The following GABRA2 variants were observed in gnomAD, a reference collection of about 807,000 sequenced individuals.
GABRA2 encodes the protein gamma-aminobutyric acid receptor subunit alpha-2.
Under a neutral mutation model 48.7 loss-of-function variants are expected in GABRA2, and 16 were observed. The ratio of observed to expected loss-of-function variants is 0.33; its 90% confidence interval spans 0.22 to 0.50. The LOEUF is 0.50. GABRA2 is among the 20% of genes least tolerant of loss of function. The probability of loss-of-function intolerance (pLI) is 0.98; values close to 1 mark genes in which losing one functional copy is unlikely to be tolerated. For synonymous variants in GABRA2, 185 were observed against 184.5 expected, an observed-to-expected ratio of 1.00 and a Z score of -0.02; for missense variants, 275 against 535.6, an observed-to-expected ratio of 0.51 and a Z score of 4.80.
At chr4:46,297,464 T>C (rs575253340) in intron 8 of GABRA2, among the ~76,000 whole-genome samples, 21 of 125,644 alleles carry the variant, frequency 1.7e-4, no homozygotes, top group Non-Finnish European at 3.5e-4. Flanking sequence ...TTAATACTAC[T>C]TAATAAAATC....
At chr4:46,336,612 T>C in intron 3 of GABRA2, among the ~76,000 whole-genome samples, 1 of 152,190 alleles carries the variant, frequency 6.6e-6, no homozygotes, top group East Asian at 1.9e-4. Flanking sequence ...ACAAGGTTGA[T>C]AACAGGTACT....
chr4:46,271,770 T>A (rs1719382966), intron 8 of GABRA2, among the ~76,000 whole-genome samples: 1 of 151,920 alleles, frequency 6.6e-6, no homozygotes, highest in Non-Finnish European at 1.5e-5. Flanking sequence ...ATTTAATTTA[T>A]CCAAAACTCG....
At chr4:46,378,691 G>A (rs1716329124) in intron 3 of GABRA2, among the ~76,000 whole-genome samples, 2 of 151,972 alleles carry the variant, frequency 1.3e-5, no homozygotes, top group South Asian at 2.1e-4. Flanking sequence ...GCTGGGTGTG[G>A]TGGCACACAC....
intron 8 of GABRA2, among the ~76,000 whole-genome samples, chr4:46,269,474 T>C (rs569089829): frequency 2.6e-5 from 4 of 151,942 alleles, no homozygotes; most frequent in Admixed American, 2.0e-4. Flanking sequence ...ATAAATACCA[T>C]GACAATATCA....
chr4:46,252,740 C>T (rs1187682657), intron 9 of GABRA2, among the ~76,000 whole-genome samples: 7 of 151,298 alleles, frequency 4.6e-5, no homozygotes, highest in Non-Finnish European at 7.4e-5. Flanking sequence ...TAACATATAG[C>T]GTTTATATTA....
intron 8 of GABRA2, among the ~76,000 whole-genome samples, chr4:46,298,112 A>G (rs1358945717): frequency 6.6e-6 from 1 of 152,108 alleles, no homozygotes; most frequent in African/African-American, 2.4e-5. Context: ...GTATTATTTC[A>G]ACCTTCTAAA....
At chr4:46,378,171 A>G (rs1034514012) in intron 3 of GABRA2, among the ~76,000 whole-genome samples, 1 of 152,068 alleles carries the variant, frequency 6.6e-6, no homozygotes, top group Non-Finnish European at 1.5e-5. Context: ...CCAACAGCTC[A>G]TTGAGAACGG....
chr4:46,305,849 T>C (rs559514958), intron 6 of GABRA2, 138 bp from the exon 7 acceptor site: 2 of 607,942 alleles, frequency 3.3e-6, no homozygotes, highest in African/African-American at 1.9e-5. Flanking sequence ...AGGGCAAAAA[T>C]GTCTCATTTG....
intron 3 of GABRA2, among the ~76,000 whole-genome samples, chr4:46,377,666 G>A (rs1716023000): frequency 6.8e-6 from 1 of 146,958 alleles, no homozygotes; most frequent in Admixed American, 6.7e-5. Context: ...CCTCTGCCCG[G>A]CCGCCCCTAC....
intron 3 of GABRA2, among the ~76,000 whole-genome samples, chr4:46,375,319 A>T (rs1445201544): frequency 6.6e-6 from 1 of 152,208 alleles, no homozygotes; most frequent in East Asian, 1.9e-4. Flanking sequence ...TTAAGTTAAA[A>T]ACAAAAATTT....
intron 8 of GABRA2, among the ~76,000 whole-genome samples, chr4:46,296,639 G>T (rs1424221191): frequency 7.5e-6 from 1 of 132,824 alleles, no homozygotes; most frequent in Non-Finnish European, 1.5e-5. Context: ...TGAAGGTTTG[G>T]ATTACTCTAT....
At chr4:46,310,340 G>A in intron 5 of GABRA2, 85 bp from the exon 6 acceptor site, 1 of 906,942 alleles carries the variant, frequency 1.1e-6, no homozygotes, top group East Asian at 2.5e-5. Context: ...AGACTCGATA[G>A]AGGTAGAGCA....
chr4:46,384,189 G>A (rs1057330968), intron 3 of GABRA2, among the ~76,000 whole-genome samples: 1 of 152,032 alleles, frequency 6.6e-6, no homozygotes, highest in Non-Finnish European at 1.5e-5. Flanking sequence ...ACTATCCCTC[G>A]CCACCATCTA....
At chr4:46,341,525 C>T (rs1733239051) in intron 3 of GABRA2, among the ~76,000 whole-genome samples, 1 of 151,932 alleles carries the variant, frequency 6.6e-6, no homozygotes, top group Non-Finnish European at 1.5e-5. Context: ...GAAGTCTCTG[C>T]TAATAATAGC....
chr4:46,386,247 A>C, intron 2 of GABRA2, 58 bp from the exon 3 acceptor site: 1 of 1,007,520 alleles, frequency 9.9e-7, no homozygotes, highest in South Asian at 1.5e-5. Context: ...GCAAATGCCA[A>C]CATGCTTTTC....
Position 46,281,417 on chromosome 4 carries a change from G to A in GABRA2, c.857-19289C>T, listed in dbSNP as rs1015982458. Among the ~76,000 whole-genome samples the A allele has an allele frequency of 3.3e-5, 5 of 152,256 alleles. No homozygotes were observed. The South Asian group carries it at 6.2e-4, about 19-fold the overall frequency. On this transcript the variant is annotated intron_variant, in intron 8 of 9. Coordinates refer to ENST00000381620, the MANE Select transcript of GABRA2 (RefSeq NM_000807.4). ...AGCCAGATGAACTCAAATATTTAGG[G>A]GCTCTGGGAAAAGATAGGGACCAGC...
chr4:46,383,663 A>T (rs192754278), intron 3 of GABRA2, among the ~76,000 whole-genome samples: 31 of 152,316 alleles, frequency 2.0e-4, no homozygotes, highest in African/African-American at 7.5e-4. Flanking sequence ...TGGTTAAAAA[A>T]ATTTGAGAGA....
chr4:46,269,857 C>A (rs1279058907), intron 8 of GABRA2, among the ~76,000 whole-genome samples: 1 of 151,718 alleles, frequency 6.6e-6, no homozygotes, highest in Non-Finnish European at 1.5e-5. Context: ...TATTCTTTTT[C>A]TGCAGTGAAA....
At chr4:46,292,251 T>C (rs1275194665) in intron 8 of GABRA2, among the ~76,000 whole-genome samples, 1 of 152,182 alleles carries the variant, frequency 6.6e-6, no homozygotes, top group Non-Finnish European at 1.5e-5. Flanking sequence ...AAGCAGATAC[T>C]GAGCCTCAAA....
Sources: allele counts gnomAD v4.1 joint callset (sites outside exome capture counted in the v4.1 genomes callset), GRCh38; gene constraint gnomAD v4.1.1; transcripts MANE v1.5; gene names NCBI Gene and HGNC (gene_info 2026-07-23, HGNC 2026-07-21).